The following TSN variants were observed in gnomAD, a reference collection of about 807,000 sequenced individuals.
TSN encodes the protein translin.
TSN carries 5 observed loss-of-function variants against 29.4 expected under a neutral mutation model. The observed-to-expected ratio is 0.17, with a 90% CI of 0.09 to 0.36. The LOEUF (loss-of-function observed/expected upper bound fraction) is 0.36. Ranked by LOEUF, TSN falls within the 10% of genes least tolerant of loss-of-function variation. TSN has a pLI of 1.00. For synonymous variants in TSN, 106 were observed against 102.2 expected, an observed-to-expected ratio of 1.04 and a Z score of -0.23; for missense variants, 159 against 272.8, an observed-to-expected ratio of 0.58 and a Z score of 2.94.
At position 121,763,712 on chromosome 2, in the gene TSN, C is replaced by G. The variant is rs184113542; in HGVS notation, c.453+628C>G. ...GTAATTGTTTTGGACACTCATTTGT[C>G]TATATAACTAAGTTATTCTTATCCT... On this transcript the variant is annotated intron_variant, in intron 5 of 5. Transcript: ENST00000389682. Among the ~76,000 whole-genome samples the G allele has an allele frequency of 1.7e-3, 254 of 152,178 alleles. 2 individuals carry two copies. The highest frequency in any genetic ancestry group is 5.9e-3 in the African/African-American group (243 of 41,536).
chr2:121,760,486 T>C (rs1447224168), intron 3 of TSN, among the ~76,000 whole-genome samples: 1 of 152,184 alleles, frequency 6.6e-6, no homozygotes, highest in African/African-American at 2.4e-5. Flanking sequence ...CTGGCTGGAT[T>C]TGGCCTTCAG....
At position 121,761,161 on chromosome 2, in the gene TSN, G is replaced by A. The variant is rs141252907; in HGVS notation, c.258-248G>A. On this transcript the variant is annotated intron_variant, in intron 3 of 5. Coordinates refer to ENST00000389682, the MANE Select transcript of TSN (RefSeq NM_004622.3). Reference sequence around the variant, plus strand: ...GCTGGGATTACAGGCGTGAGCCATCGCACCCGGCGTAAATTTTCATACTCA... The same window carrying A: ...GCTGGGATTACAGGCGTGAGCCATCACACCCGGCGTAAATTTTCATACTCA... Among the ~76,000 whole-genome samples, 206 of 152,170 alleles carry A rather than the reference G, an allele frequency of 1.4e-3. 2 individuals carry two copies. The highest frequency in any genetic ancestry group is 4.5e-3 in the African/African-American group (188 of 41,522).
chr2:121,757,294 C>T lies in TSN; in HGVS notation c.121C>T (p.Leu41=). 6.2e-7 allele frequency: 1 copy of T among 1,614,138 alleles called. No individual in the cohort carries two copies. Among genetic ancestry groups the T allele is most frequent in the Non-Finnish European group, 8.5e-7 (1 of 1,180,016 alleles). The change falls in exon 2 of 6, where the codon CTA becomes TTA. Residue 41 remains leucine, a synonymous_variant. Coordinates refer to ENST00000389682, the MANE Select transcript of TSN (RefSeq NM_004622.3). The part of the protein sequence containing the change: ...LEQTAREILT[L]LQGVHQGAGF... ...ACAAACAGCTCGAGAGATTTTAACT[C>T]TACTGCAAGGGGTCCATCAGGGTGC...
chr2:121,765,108 C>G, intron 5 of TSN, 26 bp from the exon 6 acceptor site: 1 of 1,607,262 alleles, frequency 6.2e-7, no homozygotes, highest in Non-Finnish European at 8.5e-7. Context: ...TTGTAACAAG[C>G]CCCTGTTTTC....
At chr2:121,761,809 A>G (rs1280706858) in intron 4 of TSN, among the ~76,000 whole-genome samples, 1 of 149,460 alleles carries the variant, frequency 6.7e-6, no homozygotes, top group Non-Finnish European at 1.5e-5. Flanking sequence ...CTAATACAGT[A>G]TAAGTGCTAT....
intron 5 of TSN, 81 bp downstream of exon 5, chr2:121,763,165 CAG>C: frequency 1.2e-6 from 1 of 818,596 alleles, no homozygotes; most frequent in Non-Finnish European, 1.7e-6. Context: ...TTTTTTGAGA[CAG>C]AGTCCCGCTC....
In TSN at chr2:121,765,128, G is replaced by A. The variant is rs750359806; in HGVS notation, c.454-6G>A. On this transcript the variant is annotated splice_polypyrimidine_tract_variant and splice_region_variant and intron_variant, in intron 5 of 5. Transcript: ENST00000389682. ...ACAAGCCCCTGTTTTCTCTTTCCTG[G>A]TACAGTCGAGGCTGTCTGTCAACAG... is the stretch of plus-strand genomic sequence containing the variant. The A allele has an allele frequency of 4.8e-5, 78 of 1,613,658 alleles. No homozygotes were observed. The Middle Eastern group carries it at 4.9e-4, about 10-fold the overall frequency.
chr2:121,762,981 A>G (rs12328818), intron 4 of TSN, 24 bp from the exon 5 acceptor site: 1 of 1,586,606 alleles, frequency 6.3e-7, no homozygotes, highest in Admixed American at 1.8e-5. Context: ...TCACAGCATG[A>G]CTTTATTTTC....
rs556214237 is a variant in TSN at position 121,762,856 on chromosome 2, A to C, written c.374-149A>C. ...ACTCAAAAAATCCATAGTGAGGTCT[A>C]GTTGCCAAGGTTGTGAATATATTAA... On this transcript the variant is annotated intron_variant, in intron 4 of 5. Coordinates refer to ENST00000389682, the MANE Select transcript of TSN (RefSeq NM_004622.3). 38 of 607,564 alleles carry C rather than the reference A, an allele frequency of 6.3e-5. No individual in the cohort carries two copies. The African/African-American group carries it at 6.6e-4, about 11-fold the overall frequency. The allele number at this position is 607,564 out of a possible 1,614,324, so 37.6% of individuals were successfully genotyped here.
At position 121,760,795 on chromosome 2, in the gene TSN, T is replaced by G. The variant is rs537022051; in HGVS notation, c.258-614T>G. On this transcript the variant is annotated intron_variant, in intron 3 of 5. Transcript: ENST00000389682. ...AATTTTTATTTTTTTCAGAGCAGTA[T>G]CACTGTTCTTACTGATTAAATTTAG... Among the ~76,000 whole-genome samples the G allele has an allele frequency of 1.7e-3, 265 of 152,252 alleles. 1 individual carries two copies. The highest frequency in any genetic ancestry group is 3.0e-3 in the Non-Finnish European group (203 of 68,032).
At chr2:121,762,620 A>G (rs568999465) in intron 4 of TSN, among the ~76,000 whole-genome samples, 2 of 152,368 alleles carry the variant, frequency 1.3e-5, no homozygotes, top group Non-Finnish European at 2.9e-5. Flanking sequence ...CATGCCACTT[A>G]GATTTACCAC....
Position 121,767,507 on chromosome 2 carries a change from G to A in TSN, c.*2140G>A, listed in dbSNP as rs1469484832. The stretch of plus-strand genomic sequence containing the variant: ...AATTAAAAGTCATTTAACTGAAGAT[G>A]TTGAGAAACCTGGGCTCTGGTTTTA... On this transcript the variant is annotated 3_prime_UTR_variant, in exon 6 of 6. Coordinates refer to ENST00000389682, the MANE Select transcript of TSN (RefSeq NM_004622.3). 1 of 152,062 alleles carries A rather than the reference G, an allele frequency of 6.6e-6. No homozygotes were observed. Among genetic ancestry groups the A allele is most frequent in the Non-Finnish European group, 1.5e-5 (1 of 68,034 alleles). 9.4% of individuals were successfully genotyped at this position (152,062 alleles called of 1,614,324 possible).
At chr2:121,758,675 G>A in intron 2 of TSN, 35 bp from the exon 3 acceptor site, 1 of 1,485,770 alleles carries the variant, frequency 6.7e-7, no homozygotes, top group Non-Finnish European at 9.1e-7. Flanking sequence ...TTGAAATTTG[G>A]TTAAGTTTTT....
At chr2:121,762,975 A>G (rs984602891) in intron 4 of TSN, 30 bp from the exon 5 acceptor site, 1 of 1,576,442 alleles carries the variant, frequency 6.3e-7, no homozygotes, top group Non-Finnish European at 8.6e-7. Flanking sequence ...TTGCATTCAC[A>G]GCATGACTTT....
intron 3 of TSN, among the ~76,000 whole-genome samples, chr2:121,760,267 A>G (rs1275312697): frequency 6.6e-6 from 1 of 152,224 alleles, no homozygotes; most frequent in East Asian, 1.9e-4. Context: ...ATGAGAATCT[A>G]ATACCTGATG....
At chr2:121,763,127 T>G in intron 5 of TSN, 43 bp downstream of exon 5, 1 of 1,244,918 alleles carries the variant, frequency 8.0e-7, no homozygotes, top group Non-Finnish European at 1.1e-6. Flanking sequence ...ATCTTTCTGC[T>G]TCACTGTCAG....
At chr2:121,759,786 G>A (rs1043881706) in intron 3 of TSN, among the ~76,000 whole-genome samples, 1 of 152,158 alleles carries the variant, frequency 6.6e-6, no homozygotes, top group Non-Finnish European at 1.5e-5. Flanking sequence ...TTTTCAGGGG[G>A]TGGGTAGTAT....
chr2:121,765,531 G>T lies in TSN; in HGVS notation c.*164G>T, dbSNP rs893711986. 2.7e-5 allele frequency: 18 copies of T among 668,180 alleles called. No individual in the cohort carries two copies. The East Asian group carries it at 4.1e-4, about 15-fold the overall frequency. The allele number at this position is 668,180 out of a possible 1,614,324, so 41.4% of individuals were successfully genotyped here. Reference sequence around the variant, plus strand: ...TCAGAATTGAAACACTTTTTTGGGGGTAAAAAATATAGCCTTTACATGGAC... The same window carrying T: ...TCAGAATTGAAACACTTTTTTGGGGTTAAAAAATATAGCCTTTACATGGAC... On this transcript the variant is annotated 3_prime_UTR_variant, in exon 6 of 6. Transcript: ENST00000389682.
intron 3 of TSN, among the ~76,000 whole-genome samples, chr2:121,759,383 C>A (rs1219227479): frequency 6.6e-6 from 1 of 152,094 alleles, no homozygotes; most frequent in Non-Finnish European, 1.5e-5. Context: ...CCTAGGTGGG[C>A]AGATCACCTG....
Sources: gnomAD v4.1 joint callset for allele counts (sites outside exome capture counted in the v4.1 genomes callset) on GRCh38, gnomAD v4.1.1 for gene constraint, MANE v1.5 for transcripts, NCBI Gene and HGNC (gene_info 2026-07-23, HGNC 2026-07-21) for gene names.